UBE3D: variants seen among roughly 807,000 people sequenced by gnomAD.
UBE3D encodes the protein E3 ubiquitin-protein ligase E3D.
UBE3D carries 48 observed loss-of-function variants against 49.6 expected under a neutral mutation model. That is an observed-to-expected ratio of 0.97 (90% CI 0.77 to 1.23). The LOEUF is 1.23. Ranked by LOEUF, UBE3D falls within the 50% of genes most tolerant of loss-of-function variation. The pLI is 0.00. For synonymous variants in UBE3D, 189 were observed against 174.2 expected (o/e 1.08, Z -0.67); for missense variants, 452 against 468.4 (o/e 0.96, Z 0.32).
Position 83,023,304 on chromosome 6 carries a change from G to A in UBE3D, c.737+665C>T, listed in dbSNP as rs188534549. ...CTAGATATCTGGCACATAGAAATAAGCATAGAAAACTTTCAGAATTAGAAG... is the reference window on the plus strand; with the variant it reads ...CTAGATATCTGGCACATAGAAATAAACATAGAAAACTTTCAGAATTAGAAG... On this transcript the variant is annotated intron_variant, in intron 6 of 9. Transcript: ENST00000369747. Among the ~76,000 whole-genome samples, 614 of 152,234 alleles carry A rather than the reference G, an allele frequency of 4.0e-3. 7 individuals are homozygous for A. The highest frequency in any genetic ancestry group is 0.013 in the African/African-American group (551 of 41,548).
intron 9 of UBE3D, among the ~76,000 whole-genome samples, chr6:82,949,762 G>A (rs1775655461): frequency 6.6e-6 from 1 of 151,670 alleles, no homozygotes; most frequent in African/African-American, 2.4e-5. Context: ...ATATAGTGGG[G>A]GAAAGACAGT....
At chr6:82,895,927 A>T (rs1409603009) in intron 9 of UBE3D, among the ~76,000 whole-genome samples, 2 of 152,230 alleles carry the variant, frequency 1.3e-5, no homozygotes, top group African/African-American at 4.8e-5. Flanking sequence ...ACAACTACAA[A>T]AGAGGCTAAG....
At chr6:82,997,244 C>T (rs1779304758) in intron 8 of UBE3D, among the ~76,000 whole-genome samples, 2 of 151,912 alleles carry the variant, frequency 1.3e-5, no homozygotes, top group African/African-American at 4.8e-5. Flanking sequence ...GTCTTCACTG[C>T]AGAATTGTAT....
intron 8 of UBE3D, among the ~76,000 whole-genome samples, chr6:82,985,638 A>C (rs1422470524): frequency 6.6e-6 from 1 of 152,184 alleles, no homozygotes; most frequent in Non-Finnish European, 1.5e-5. Context: ...CTGGGATTAC[A>C]GGCATCAGCC....
intron 9 of UBE3D, among the ~76,000 whole-genome samples, chr6:82,906,893 T>C (rs1206961040): frequency 6.6e-6 from 1 of 152,118 alleles, no homozygotes; most frequent in Non-Finnish European, 1.5e-5. Flanking sequence ...AACAATCGAG[T>C]CATTTTATCG....
intron 8 of UBE3D, among the ~76,000 whole-genome samples, chr6:82,975,959 T>C (rs921937394): frequency 6.6e-6 from 1 of 152,178 alleles, no homozygotes; most frequent in African/African-American, 2.4e-5. Flanking sequence ...AGGTATAATA[T>C]CTATTATCAA....
chr6:82,937,234 G>A (rs1774646161), intron 9 of UBE3D, among the ~76,000 whole-genome samples: 1 of 152,138 alleles, frequency 6.6e-6, no homozygotes, highest in Admixed American at 6.5e-5. Flanking sequence ...GGTTCTCAAT[G>A]GAGGCTTGAG....
At chr6:82,882,467 C>G in the UBE3D span, among the ~76,000 whole-genome samples, 2 of 152,162 alleles carry the variant, frequency 1.3e-5, no homozygotes, top group African/African-American at 4.8e-5. Context: ...AGCACTTTCC[C>G]AAGCTAAAAA....
intron 9 of UBE3D, among the ~76,000 whole-genome samples, chr6:82,947,244 A>G (rs1775472407): frequency 6.6e-6 from 1 of 152,048 alleles, no homozygotes; most frequent in Non-Finnish European, 1.5e-5. Context: ...ATTCAGCAAA[A>G]TGATATAATG....
intron 5 of UBE3D, among the ~76,000 whole-genome samples, chr6:83,026,268 G>A (rs144390575): frequency 0.018 from 2,677 of 152,066 alleles, 48 homozygotes; most frequent in Admixed American, 0.058. Context: ...ACAACAAAGT[G>A]ACAGCCTGTC....
chr6:82,915,083 A>C (rs906598087), intron 9 of UBE3D, among the ~76,000 whole-genome samples: 2 of 152,148 alleles, frequency 1.3e-5, no homozygotes, highest in African/African-American at 4.8e-5. Context: ...AGTTGAGGGC[A>C]TATTTTTAGA....
chr6:82,958,718 C>T (rs1056241116), intron 8 of UBE3D, among the ~76,000 whole-genome samples: 8 of 152,176 alleles, frequency 5.3e-5, no homozygotes, highest in Admixed American at 4.6e-4. Context: ...CCTTTTAGCT[C>T]TTAGTAGGCT....
intron 8 of UBE3D, among the ~76,000 whole-genome samples, chr6:82,999,340 C>T (rs1415111683): frequency 2.0e-5 from 3 of 151,982 alleles, no homozygotes; most frequent in South Asian, 4.2e-4. Flanking sequence ...TCAGTCATAC[C>T]TTCTTTCTCA....
chr6:82,972,248 C>T (rs1777406832), intron 8 of UBE3D, among the ~76,000 whole-genome samples: 1 of 152,152 alleles, frequency 6.6e-6, no homozygotes, highest in Non-Finnish European at 1.5e-5. Flanking sequence ...ACCCAGATAC[C>T]GTTCTTTCAC....
intron 3 of UBE3D, among the ~76,000 whole-genome samples, chr6:83,053,256 T>C (rs1395924006): frequency 6.6e-6 from 1 of 151,654 alleles, no homozygotes; most frequent in African/African-American, 2.4e-5. Context: ...GGTTTCTACC[T>C]TGAGGACACA....
intron 9 of UBE3D, among the ~76,000 whole-genome samples, chr6:82,917,733 C>G (rs1349834169): frequency 6.6e-6 from 1 of 152,144 alleles, no homozygotes; most frequent in East Asian, 1.9e-4. Context: ...GGAAACCAGA[C>G]AAAGACAAAG....
chr6:82,891,689 GA>G (rs983176153), downstream of UBE3D, among the ~76,000 whole-genome samples: 3 of 152,180 alleles, frequency 2.0e-5, no homozygotes, highest in Non-Finnish European at 4.4e-5. Context: ...AAGAAATCAT[GA>G]AAAGTACACC....
intron 8 of UBE3D, among the ~76,000 whole-genome samples, chr6:82,993,500 C>T (rs537520166): frequency 2.0e-5 from 3 of 152,312 alleles, no homozygotes; most frequent in African/African-American, 7.2e-5. Flanking sequence ...GCAAATCCTC[C>T]TGTATACTTT....
chr6:82,948,310 T>C (rs1324782964), intron 9 of UBE3D, among the ~76,000 whole-genome samples: 2 of 151,738 alleles, frequency 1.3e-5, no homozygotes, highest in Non-Finnish European at 2.9e-5. Context: ...ACACATACCA[T>C]GTACCAAAAC....
Sources: allele counts gnomAD v4.1 joint callset (sites outside exome capture counted in the v4.1 genomes callset), GRCh38; gene constraint gnomAD v4.1.1; transcripts MANE v1.5; gene names NCBI Gene and HGNC (gene_info 2026-07-23, HGNC 2026-07-21).